The following RNMT variants were observed in gnomAD, a reference collection of about 807,000 sequenced individuals.
The protein encoded by RNMT is RNA guanine-7 methyltransferase.
A neutral mutation model predicts 56.0 loss-of-function variants in RNMT; 27 were observed. The observed-to-expected ratio is 0.48, with a 90% confidence interval of 0.36 to 0.67. The LOEUF is 0.67. Ranked by LOEUF, RNMT falls within the 30% of genes least tolerant of loss-of-function variation. The probability of loss-of-function intolerance (pLI) is 0.00; values close to 1 mark genes in which losing one functional copy is unlikely to be tolerated. For missense variants in RNMT, 519 were observed against 552.1 expected (o/e 0.94, Z 0.60); for synonymous variants, 184 against 176.2 (o/e 1.04, Z -0.35).
At chr18:13,739,416 A>G (rs1034468468) in intron 5 of RNMT, among the ~76,000 whole-genome samples, 2 of 152,230 alleles carry the variant, frequency 1.3e-5, no homozygotes, top group Non-Finnish European at 2.9e-5. Context: ...TGCCAGTACC[A>G]TTTAGTGCTG....
In RNMT at chr18:13,731,657, C is replaced by G. The variant is rs138155222; in HGVS notation, c.140C>G (p.Thr47Ser). 85 of 1,614,072 alleles carry G rather than the reference C, an allele frequency of 5.3e-5. No homozygotes were observed. In the African/African-American group the frequency reaches 1.0e-3, roughly 19 times the overall value. ...TCTGGGACTGGGCTTTCTGAAAAGA[C>G]TTCTGTCTGTAGGCAAGTAGACATA... ...TASGTGLSEKTSVCRQVDIAR... is the reference protein window; with the variant it reads ...TASGTGLSEKSSVCRQVDIAR... Residue 47 changes from threonine to serine, a missense_variant, in exon 3 of 12, where the codon ACT becomes AGT. By Grantham distance (58) the Thr-to-Ser change is moderately conservative. Coordinates refer to ENST00000383314, the MANE Select transcript of RNMT (RefSeq NM_003799.3).
intron 9 of RNMT, among the ~76,000 whole-genome samples, chr18:13,749,200 T>A (rs1448648742): frequency 1.3e-5 from 2 of 152,204 alleles, no homozygotes; most frequent in South Asian, 2.1e-4. Flanking sequence ...AAGCAGATAA[T>A]CACATGGAGG....
Position 13,761,098 on chromosome 18 carries a change from A to T in RNMT, c.*1119A>T, listed in dbSNP as rs2044613910. ...TTAAGCCATGATTTACAAAAACATT[A>T]CTTTCTGTAATTCACAATACTTGTT... On this transcript the variant is annotated 3_prime_UTR_variant, in exon 12 of 12. Transcript: ENST00000383314. 8.1e-6 allele frequency: 8 copies of T among 984,480 alleles called. No homozygotes were observed. In the South Asian group the frequency reaches 3.3e-4, roughly 40 times the overall value. 61.0% of individuals were successfully genotyped at this position (984,480 alleles called of 1,614,324 possible).
chr18:13,744,717 C>T (rs1023273679), intron 8 of RNMT, among the ~76,000 whole-genome samples: 1 of 152,132 alleles, frequency 6.6e-6, no homozygotes, highest in African/African-American at 2.4e-5. Context: ...CTCAGTGGCC[C>T]TCCAGTGTTT....
intron 9 of RNMT, among the ~76,000 whole-genome samples, chr18:13,749,332 G>T (rs1460393010): frequency 6.6e-6 from 1 of 152,210 alleles, no homozygotes; most frequent in Non-Finnish European, 1.5e-5. Flanking sequence ...AAACTGATTG[G>T]TAATCTGTTC....
At chr18:13,746,117 A>T (rs1479156695) in intron 8 of RNMT, 103 bp from the exon 9 acceptor site, 2 of 660,508 alleles carry the variant, frequency 3.0e-6, no homozygotes, top group African/African-American at 3.6e-5. Flanking sequence ...AGGGAGTGGT[A>T]GCTTTTTTAG....
chr18:13,762,080 G>C lies in RNMT; in HGVS notation c.*2101G>C. 2 of 1,536,014 alleles carry C rather than the reference G, an allele frequency of 1.3e-6. No homozygotes were observed. Among genetic ancestry groups the C allele is most frequent in the Non-Finnish European group, 1.7e-6 (2 of 1,146,864 alleles). On this transcript the variant is annotated 3_prime_UTR_variant, in exon 12 of 12. Coordinates refer to ENST00000383314, the MANE Select transcript of RNMT (RefSeq NM_003799.3). ...TATGAGGGAGGCATGGCTTTCCACC[G>C]TCGGGCCAGGAAGAGCACCTGTTGC...
At chr18:13,734,193 A>C (rs536587007) in intron 3 of RNMT, among the ~76,000 whole-genome samples, 1 of 152,288 alleles carries the variant, frequency 6.6e-6, no homozygotes, top group Non-Finnish European at 1.5e-5. Flanking sequence ...GCCACGAGGA[A>C]CTGTGAGTCC....
At position 13,760,266 on chromosome 18, in the gene RNMT, G is replaced by T; in HGVS notation, c.*287G>T. On this transcript the variant is annotated 3_prime_UTR_variant, in exon 12 of 12. Transcript: ENST00000383314. ...ATCTTAGCTCATAAAAATATAATAT[G>T]ACTTGATAAAGCAACTAAACTCTTT... 9.0e-7 allele frequency: 1 copy of T among 1,114,182 alleles called. No individual in the cohort carries two copies. Among genetic ancestry groups the T allele is most frequent in the Non-Finnish European group, 1.1e-6 (1 of 912,172 alleles). The allele number at this position is 1,114,182 out of a possible 1,614,324, so 69.0% of individuals were successfully genotyped here.
chr18:13,754,231 G>T, intron 11 of RNMT, 84 bp downstream of exon 11: 1 of 909,518 alleles, frequency 1.1e-6, no homozygotes, highest in African/African-American at 1.7e-5. Flanking sequence ...AAAAGGCTGG[G>T]CACTGTGGCT....
In RNMT at chr18:13,761,429, G is replaced by A; in HGVS notation, c.*1450G>A. 1.0e-6 allele frequency: 1 copy of A among 985,620 alleles called. No individual in the cohort carries two copies. Among genetic ancestry groups the A allele is most frequent in the Non-Finnish European group, 1.2e-6 (1 of 830,100 alleles). 61.1% of individuals were successfully genotyped at this position (985,620 alleles called of 1,614,324 possible). On this transcript the variant is annotated 3_prime_UTR_variant, in exon 12 of 12. Transcript: ENST00000383314. ...AGGTTCGTTTTCATTCTAGGGCAGT[G>A]CCAGGAAGTATATTGATAGCTTTGT... is the stretch of plus-strand genomic sequence containing the variant.
At position 13,763,380 on chromosome 18, in the gene RNMT, A is replaced by C; in HGVS notation, c.*3401A>C. 1 of 300,154 alleles carries C rather than the reference A, an allele frequency of 3.3e-6. No homozygotes were observed. The highest frequency in any genetic ancestry group is 6.7e-6 in the Non-Finnish European group (1 of 148,906). The allele number at this position is 300,154 out of a possible 1,614,324, so 18.6% of individuals were successfully genotyped here. A position where few individuals can be genotyped will look rare whatever the true frequency, so the allele number is the denominator to read the frequency against. ...GTCCTCTGCTCCCATGTAGGCCTAA[A>C]GTCACCCCACTCCTTAGTGCCTGCA... On this transcript the variant is annotated 3_prime_UTR_variant, in exon 12 of 12. Transcript: ENST00000383314.
At chr18:13,735,391 T>C (rs1386815542) in intron 4 of RNMT, among the ~76,000 whole-genome samples, 1 of 152,166 alleles carries the variant, frequency 6.6e-6, no homozygotes, top group African/African-American at 2.4e-5. Flanking sequence ...AGGCTTACTT[T>C]GAACACATTT....
intron 1 of RNMT, among the ~76,000 whole-genome samples, chr18:13,727,511 G>A (rs1175693194): frequency 6.6e-6 from 1 of 152,198 alleles, no homozygotes; most frequent in African/African-American, 2.4e-5. Flanking sequence ...GCAGGTGCAG[G>A]TGATACTTTG....
chr18:13,761,409 C>T lies in RNMT; in HGVS notation c.*1430C>T, dbSNP rs538865126. 19 of 985,424 alleles carry T rather than the reference C, an allele frequency of 1.9e-5. No homozygotes were observed. The highest frequency in any genetic ancestry group is 3.5e-5 in the African/African-American group (2 of 57,354). 61.0% of individuals were successfully genotyped at this position (985,424 alleles called of 1,614,324 possible). ...AGTCTTCCTGTCACATATGCAGGTTCGTTTTCATTCTAGGGCAGTGCCAGG... is the reference window on the plus strand; with the variant it reads ...AGTCTTCCTGTCACATATGCAGGTTTGTTTTCATTCTAGGGCAGTGCCAGG... On this transcript the variant is annotated 3_prime_UTR_variant, in exon 12 of 12. Transcript: ENST00000383314.
chr18:13,760,685 C>G lies in RNMT; in HGVS notation c.*706C>G. On this transcript the variant is annotated 3_prime_UTR_variant, in exon 12 of 12. Coordinates refer to ENST00000383314, the MANE Select transcript of RNMT (RefSeq NM_003799.3). ...TCCAGTTATCAAGATTGTGATTAGA[C>G]ACATTTACCTTTCTTCATTGAACAA... The G allele has an allele frequency of 1.0e-6, 1 of 985,230 alleles. No individual in the cohort carries two copies. Among genetic ancestry groups the G allele is most frequent in the East Asian group, 1.1e-4 (1 of 8,818 alleles). The allele number at this position is 985,230 out of a possible 1,614,324, so 61.0% of individuals were successfully genotyped here.
At chr18:13,747,279 T>C (rs991571578) in intron 9 of RNMT, among the ~76,000 whole-genome samples, 2 of 151,182 alleles carry the variant, frequency 1.3e-5, no homozygotes, top group Non-Finnish European at 2.9e-5. Context: ...TGGAGTGCAG[T>C]GATGTGATCA....
Position 13,763,357 on chromosome 18 carries a change from C to G in RNMT, c.*3378C>G, listed in dbSNP as rs1039761209. ...CTCCCTCTCGTGCTGCTCAGTTTGT[C>G]CTCTGCTCCCATGTAGGCCTAAAGT... is the stretch of plus-strand genomic sequence containing the variant. On this transcript the variant is annotated 3_prime_UTR_variant, in exon 12 of 12. Coordinates refer to ENST00000383314, the MANE Select transcript of RNMT (RefSeq NM_003799.3). 2.5e-5 allele frequency: 8 copies of G among 325,500 alleles called. No homozygotes were observed. The highest frequency in any genetic ancestry group is 1.6e-4 in the South Asian group (6 of 38,386). The allele number at this position is 325,500 out of a possible 1,614,324, so 20.2% of individuals were successfully genotyped here.
In RNMT at chr18:13,731,642, G is replaced by T; in HGVS notation, c.125G>T (p.Gly42Val). Residue 42 changes from glycine (G) to valine (V), a missense_variant, in exon 3 of 12, where the codon GGG (glycine) becomes GTG (valine). Gly to Val is a moderately radical substitution (Grantham distance 109). Transcript: ENST00000383314. ...GAAAACACAACAGCTTCTGGGACTGGGCTTTCTGAAAAGACTTCTGTCTGT... is the reference window on the plus strand; with the variant it reads ...GAAAACACAACAGCTTCTGGGACTGTGCTTTCTGAAAAGACTTCTGTCTGT... ...INENTTASGT[G>V]LSEKTSVCRQ... is the part of the protein sequence containing the mutation. The T allele has an allele frequency of 1.2e-6, 2 of 1,614,064 alleles. No homozygotes were observed. The highest frequency in any genetic ancestry group is 1.1e-5 in the South Asian group (1 of 91,088).
Sources: allele counts gnomAD v4.1 joint callset (sites outside exome capture counted in the v4.1 genomes callset), GRCh38; gene constraint gnomAD v4.1.1; transcripts MANE v1.5; gene names NCBI Gene and HGNC (gene_info 2026-07-23, HGNC 2026-07-21).